The following DPH5 variants were observed in gnomAD, a reference collection of about 807,000 sequenced individuals.
DPH5 encodes the protein diphthine methyl ester synthase.
A neutral mutation model predicts 31.6 loss-of-function variants in DPH5; 31 were observed. That is an observed-to-expected ratio of 0.98 (90% CI 0.74 to 1.32). The LOEUF (loss-of-function observed/expected upper bound fraction) is 1.32, where lower values mean the gene tolerates loss of function less well. Among genes scored for constraint, DPH5 ranks in the 40% most tolerant of loss-of-function variants. The probability of loss-of-function intolerance (pLI) is 0.00; values close to 1 mark genes in which losing one functional copy is unlikely to be tolerated. For missense variants in DPH5, 309 were observed against 335.7 expected, an observed-to-expected ratio of 0.92 and a Z score of 0.62; for synonymous variants, 120 against 115.0, an observed-to-expected ratio of 1.04 and a Z score of -0.28.
In DPH5 at chr1:101,025,447, A is replaced by G; in HGVS notation, c.-4T>C. The G allele has an allele frequency of 6.2e-7, 1 of 1,614,032 alleles. No individual in the cohort carries two copies. Among genetic ancestry groups the G allele is most frequent in the South Asian group, 1.1e-5 (1 of 91,066 alleles). ...CCAACCCGATGAGATAAAGCATTTC[A>G]AACTTGAGGAGAAGAGAGACTGCAA... On this transcript the variant is annotated 5_prime_UTR_variant, in exon 2 of 8. Transcript: ENST00000370109.
chr1:101,010,242 T>C lies in DPH5; in HGVS notation c.369+3468A>G, dbSNP rs186019045. 6.3e-3 allele frequency among the ~76,000 whole-genome samples: 964 copies of C among 152,332 alleles called. 16 individuals are homozygous for C. The highest frequency in any genetic ancestry group is 0.02 in the African/African-American group (836 of 41,576). Reference sequence around the variant, plus strand: ...CTATTCTCTTTAAAGATGTCTAACTTGGAAGCCTCTAATACACTTTTTATT... The same window carrying C: ...CTATTCTCTTTAAAGATGTCTAACTCGGAAGCCTCTAATACACTTTTTATT... On this transcript the variant is annotated intron_variant, in intron 4 of 7. Coordinates refer to ENST00000370109, the MANE Select transcript of DPH5 (RefSeq NM_015958.3).
intron 4 of DPH5, among the ~76,000 whole-genome samples, chr1:101,009,873 T>A (rs1442397952): frequency 6.6e-6 from 1 of 152,198 alleles, no homozygotes; most frequent in African/African-American, 2.4e-5. Context: ...CTTCCTTGGT[T>A]CCTTTAACAA....
chr1:100,994,449 A>G (rs765747437), intron 6 of DPH5, among the ~76,000 whole-genome samples: 8 of 152,146 alleles, frequency 5.3e-5, no homozygotes, highest in Non-Finnish European at 1.0e-4. Flanking sequence ...TAGTACTATC[A>G]TTATACATCT....
intron 4 of DPH5, 155 bp downstream of exon 4, chr1:101,013,555 G>A: frequency 2.3e-6 from 1 of 440,082 alleles, no homozygotes; most frequent in Non-Finnish European, 3.9e-6. Context: ...AAAAATTAGT[G>A]TTAAAAAATT....
At position 101,013,822 on chromosome 1, in the gene DPH5, T is replaced by C. The variant is rs1659871531; in HGVS notation, c.261-4A>G. 6.2e-7 allele frequency: 1 copy of C among 1,601,524 alleles called. No homozygotes were observed. Among genetic ancestry groups the C allele is most frequent in the Non-Finnish European group, 8.5e-7 (1 of 1,174,460 alleles). On this transcript the variant is annotated splice_region_variant and splice_polypyrimidine_tract_variant and intron_variant, in intron 3 of 7. Transcript: ENST00000370109. ...AAGATCACTGTGTGTTGTGGCCCTG[T>C]AGTGAGAAAAGATTAGATTGGATTA...
Position 100,999,960 on chromosome 1 carries a change from T to C in DPH5, c.490+1507A>G, listed in dbSNP as rs1039271356. On this transcript the variant is annotated intron_variant, in intron 5 of 7. Coordinates refer to ENST00000370109, the MANE Select transcript of DPH5 (RefSeq NM_015958.3). ...GAGATGGAGACCACCCTGGCTAACATGGTGAAACCCCATCTCTACTAAAAA... is the reference window on the plus strand; with the variant it reads ...GAGATGGAGACCACCCTGGCTAACACGGTGAAACCCCATCTCTACTAAAAA... 1.1e-4 allele frequency among the ~76,000 whole-genome samples: 16 copies of C among 151,908 alleles called. 1 individual carries two copies. The highest frequency in any genetic ancestry group is 9.2e-4 in the Admixed American group (14 of 15,264).
chr1:100,993,559 A>AATACATATATAT (rs1269819610), intron 6 of DPH5, among the ~76,000 whole-genome samples: 1 of 56,546 alleles, frequency 1.8e-5, no homozygotes, highest in African/African-American at 6.3e-5. Context: ...CGAAAATATA[A>AATACATATATAT]ATATATATAT....
At chr1:101,016,209 C>T (rs1660062837) in intron 3 of DPH5, among the ~76,000 whole-genome samples, 1 of 151,818 alleles carries the variant, frequency 6.6e-6, no homozygotes, top group South Asian at 2.1e-4. Flanking sequence ...AAAAAGTTAG[C>T]TGGGCGTGGT....
chr1:101,023,876 C>T (rs1218097695), intron 2 of DPH5, among the ~76,000 whole-genome samples: 1 of 152,204 alleles, frequency 6.6e-6, no homozygotes, highest in Admixed American at 6.5e-5. Flanking sequence ...TCCAAGGTCA[C>T]ATTAACATGT....
intron 2 of DPH5, among the ~76,000 whole-genome samples, chr1:101,022,775 AG>A: frequency 6.6e-6 from 1 of 152,344 alleles, no homozygotes; most frequent in East Asian, 1.9e-4. Flanking sequence ...TAAGCAGGGC[AG>A]GATCCAGCAT....
At chr1:101,009,028 C>T (rs1377039371) in intron 4 of DPH5, among the ~76,000 whole-genome samples, 1 of 152,166 alleles carries the variant, frequency 6.6e-6, no homozygotes, top group African/African-American at 2.4e-5. Context: ...GGGGACACTT[C>T]ATGTAAACAG....
chr1:101,021,657 C>T lies in DPH5; in HGVS notation c.244G>A (p.Val82Ile), dbSNP rs776765997. The change falls in exon 3 of 8, where the codon GTT (valine) becomes ATT (isoleucine). Residue 82 changes from valine (V) to isoleucine (I), a missense_variant. Coordinates refer to ENST00000370109, the MANE Select transcript of DPH5 (RefSeq NM_015958.3). The stretch of plus-strand genomic sequence containing the variant: ...TTGACTTACCCAAATGGATCACCAA[C>T]CACAAGGAATGCAACATCACTGATA... The part of the protein sequence containing the change: ...ADISDVAFLV[V>I]GDPFGATTHS... 2.5e-6 allele frequency: 4 copies of T among 1,612,800 alleles called. No homozygotes were observed. Among genetic ancestry groups the T allele is most frequent in the Admixed American group, 3.3e-5 (2 of 59,882 alleles).
At chr1:101,000,837 T>C (rs1382063392) in intron 5 of DPH5, among the ~76,000 whole-genome samples, 9 of 152,206 alleles carry the variant, frequency 5.9e-5, no homozygotes, top group Admixed American at 4.6e-4. Flanking sequence ...ACTATTATCT[T>C]GGAAAACAAA....
chr1:100,997,647 G>A (rs1214098683), intron 5 of DPH5, among the ~76,000 whole-genome samples: 1 of 152,200 alleles, frequency 6.6e-6, no homozygotes, highest in Non-Finnish European at 1.5e-5. Flanking sequence ...TTACAGGCGT[G>A]AGCCACCGCA....
At chr1:101,014,398 GT>G (rs1659918263) in intron 3 of DPH5, among the ~76,000 whole-genome samples, 1 of 152,184 alleles carries the variant, frequency 6.6e-6, no homozygotes, top group Non-Finnish European at 1.5e-5. Context: ...GCATATAAAA[GT>G]TATGTTTATA....
At chr1:101,007,116 A>G (rs780971241) in intron 4 of DPH5, among the ~76,000 whole-genome samples, 13 of 152,172 alleles carry the variant, frequency 8.5e-5, no homozygotes, top group Non-Finnish European at 1.3e-4. Context: ...AGAATTTGTA[A>G]TTTTTTCTAA....
chr1:101,025,355 T>TA lies in DPH5; in HGVS notation c.88dup (p.Tyr30LeufsTer28). 2 of 1,614,242 alleles carry TA rather than the reference T, an allele frequency of 1.2e-6. No individual in the cohort carries two copies. Among genetic ancestry groups the TA allele is most frequent in the Non-Finnish European group, 1.7e-6 (2 of 1,180,044 alleles). On this transcript the variant is annotated frameshift_variant, in exon 2 of 8. Transcript: ENST00000370109. LOFTEE classifies it high-confidence loss of function. ...TAGGACTGAGGTGTAGGCTTCCAGATACACTCGACTGCAGCGTCTAACAAC... is the reference window on the plus strand; with the variant it reads ...TAGGACTGAGGTGTAGGCTTCCAGATAACACTCGACTGCAGCGTCTAACAAC...
intron 7 of DPH5, among the ~76,000 whole-genome samples, chr1:100,991,111 T>A (rs1461422553): frequency 6.7e-6 from 1 of 149,656 alleles, no homozygotes; most frequent in South Asian, 2.1e-4. Flanking sequence ...TCTCATTTTT[T>A]AAAATGTAAT....
chr1:101,004,327 G>A lies in DPH5; in HGVS notation c.370-2740C>T, dbSNP rs972660135. Among the ~76,000 whole-genome samples the A allele has an allele frequency of 3.9e-5, 6 of 152,194 alleles. No homozygotes were observed. In the East Asian group the frequency reaches 9.6e-4, roughly 24 times the overall value. ...TACCAGTGAACTATACTAGAGCAAA[G>A]TCACACAGTGATGAGAACTGAGATT... On this transcript the variant is annotated intron_variant, in intron 4 of 7. Coordinates refer to ENST00000370109, the MANE Select transcript of DPH5 (RefSeq NM_015958.3).
Sources: allele counts gnomAD v4.1 joint callset (sites outside exome capture counted in the v4.1 genomes callset), GRCh38; gene constraint gnomAD v4.1.1; transcripts MANE v1.5; gene names NCBI Gene and HGNC (gene_info 2026-07-23, HGNC 2026-07-21).